Variants in MEF2A observed in about 807,000 individuals in gnomAD.
MEF2A encodes myocyte-specific enhancer factor 2A.
Under a neutral mutation model 55.8 loss-of-function variants are expected in MEF2A, and 28 were observed. That is an observed-to-expected ratio of 0.50 (90% confidence interval 0.37 to 0.69). The LOEUF (loss-of-function observed/expected upper bound fraction) is 0.69. MEF2A is among the 30% of genes least tolerant of loss of function. The pLI is 0.00. For missense variants in MEF2A, 528 were observed against 626.2 expected, an observed-to-expected ratio of 0.84 and a Z score of 1.67; for synonymous variants, 239 against 227.1, an observed-to-expected ratio of 1.05 and a Z score of -0.47.
intron 8 of MEF2A, among the ~76,000 whole-genome samples, chr15:99,699,968 GTGTGTGTGTGTGTGTGTA>G (rs1434260338): frequency 2.1e-5 from 2 of 95,362 alleles, no homozygotes; most frequent in Non-Finnish European, 4.7e-5. Context: ...GTGTGTGTGT[GTGTGTGTGTGTGTGTGTA>G]TATATATATA....
rs2058902770 is a variant in MEF2A, at chr15:99,713,882, A to T, written c.*1111A>T. On this transcript the variant is annotated 3_prime_UTR_variant, in exon 12 of 12. Transcript: ENST00000557942. Reference sequence around the variant, plus strand: ...CATCTTAAATATATTATCACCTTTGATGTAAGTACCTATGTATTGTATGGT... The same window carrying T: ...CATCTTAAATATATTATCACCTTTGTTGTAAGTACCTATGTATTGTATGGT... The T allele has an allele frequency of 6.6e-6, 1 of 152,210 alleles. No homozygotes were observed. Among genetic ancestry groups the T allele is most frequent in the South Asian group, 2.1e-4 (1 of 4,828 alleles). 9.4% of individuals were successfully genotyped at this position (152,210 alleles called of 1,614,324 possible).
At chr15:99,600,535 G>C (rs2153064152) in intron 2 of MEF2A, among the ~76,000 whole-genome samples, 1 of 152,162 alleles carries the variant, frequency 6.6e-6, no homozygotes, top group East Asian at 1.9e-4. Context: ...GAACTTCTTT[G>C]GACTACTACA....
chr15:99,676,589 T>C (rs372183702), intron 7 of MEF2A, among the ~76,000 whole-genome samples: 1 of 138,552 alleles, frequency 7.2e-6, no homozygotes, highest in Non-Finnish European at 1.6e-5. Flanking sequence ...TTTTTTTTTT[T>C]GAGACGGAGT....
intron 1 of MEF2A, among the ~76,000 whole-genome samples, chr15:99,572,976 A>C (rs1433311347): frequency 6.6e-6 from 1 of 152,184 alleles, no homozygotes; most frequent in African/African-American, 2.4e-5. Flanking sequence ...ATTCTCAGTA[A>C]ATGTTGAATT....
intron 2 of MEF2A, chr15:99,620,921 C>G (rs888990335): frequency 2.0e-5 from 3 of 150,292 alleles, no homozygotes; most frequent in African/African-American, 7.4e-5. Flanking sequence ...TCTCGGTTCA[C>G]TGCAACCTCC....
At chr15:99,646,049 ATAT>A (rs1240461488) in intron 4 of MEF2A, among the ~76,000 whole-genome samples, 2 of 152,144 alleles carry the variant, frequency 1.3e-5, no homozygotes, top group Non-Finnish European at 2.9e-5. Flanking sequence ...TTTAAAATTA[ATAT>A]TGTAAGAGAC....
chr15:99,623,794 T>C (rs575186410), intron 2 of MEF2A, among the ~76,000 whole-genome samples: 4 of 152,184 alleles, frequency 2.6e-5, no homozygotes, highest in Non-Finnish European at 5.9e-5. Context: ...GTATCAAATA[T>C]ATGATCTGCC....
chr15:99,586,379 A>T (rs910027797), intron 1 of MEF2A, among the ~76,000 whole-genome samples: 1 of 152,124 alleles, frequency 6.6e-6, no homozygotes, highest in Admixed American at 6.5e-5. Flanking sequence ...ATTTTAGTGG[A>T]TATTTACTTG....
intron 8 of MEF2A, among the ~76,000 whole-genome samples, chr15:99,699,086 G>C (rs528869208): frequency 1.3e-5 from 2 of 151,784 alleles, no homozygotes; most frequent in East Asian, 3.9e-4. Context: ...AAAACTTGCT[G>C]TACAATCCGG....
intron 2 of MEF2A, among the ~76,000 whole-genome samples, 164 bp from the exon 3 acceptor site, chr15:99,632,814 G>T (rs1034580113): frequency 6.6e-6 from 1 of 152,202 alleles, no homozygotes; most frequent in South Asian, 2.1e-4. Flanking sequence ...GGTATTTTAG[G>T]GGTAAAGTTA....
At chr15:99,711,029 A>G (rs1462880397) in intron 11 of MEF2A, among the ~76,000 whole-genome samples, 1 of 152,166 alleles carries the variant, frequency 6.6e-6, no homozygotes, top group Non-Finnish European at 1.5e-5. Flanking sequence ...CTCAACCAGG[A>G]TCTGAAGGGG....
intron 4 of MEF2A, among the ~76,000 whole-genome samples, chr15:99,655,488 G>A (rs1001026683): frequency 1.3e-5 from 2 of 152,116 alleles, no homozygotes; most frequent in Non-Finnish European, 2.9e-5. Context: ...TAGGCATTGG[G>A]CAGCCTTTAG....
rs571138739 is a variant in MEF2A at position 99,712,724 on chromosome 15, G to T, written c.1471G>T (p.Glu491Ter). 1 of 1,564,882 alleles carries T rather than the reference G, an allele frequency of 6.4e-7. No individual in the cohort carries two copies. Among genetic ancestry groups the T allele is most frequent in the Non-Finnish European group, 8.7e-7 (1 of 1,154,526 alleles). The change falls in exon 12 of 12, where the codon GAA (glutamate) becomes TAA (stop). Residue 491 changes from glutamate to a stop codon, truncating the protein, a stop_gained. Transcript: ENST00000557942. LOFTEE classifies it high-confidence loss of function. This position sits in a 1 kb window ranked among gnomAD's most constrained non-coding sequence, Gnocchi z 4.1. ...LGRPPNTEDR[E>*]SPSVKRMRMD... is the part of the protein sequence containing the mutation. ...CCGACCCCCAAACACTGAGGACAGA[G>T]AAAGCCCTTCTGTAAAGCGAATGAG... is the stretch of plus-strand genomic sequence containing the variant.
chr15:99,649,666 T>C (rs1596793642), intron 4 of MEF2A, among the ~76,000 whole-genome samples: 1 of 152,176 alleles, frequency 6.6e-6, no homozygotes, highest in Non-Finnish European at 1.5e-5. Context: ...ACAGGAATAC[T>C]AGGTATGTCC....
At chr15:99,609,183 A>G (rs1274198081) in intron 2 of MEF2A, among the ~76,000 whole-genome samples, 2 of 152,238 alleles carry the variant, frequency 1.3e-5, no homozygotes, top group Non-Finnish European at 2.9e-5. Context: ...GACATTGTTC[A>G]TAATGGCTTT....
At chr15:99,592,953 CT>C (rs1969852807) in intron 1 of MEF2A, among the ~76,000 whole-genome samples, 1 of 152,178 alleles carries the variant, frequency 6.6e-6, no homozygotes. Flanking sequence ...GAAAATCTCA[CT>C]TTTTAAATAT....
intron 2 of MEF2A, among the ~76,000 whole-genome samples, chr15:99,611,293 A>T (rs377320626): frequency 5.3e-5 from 8 of 152,330 alleles, no homozygotes; most frequent in African/African-American, 1.9e-4. Flanking sequence ...TTTACAGATC[A>T]TATATTTGTA....
At chr15:99,580,448 A>G (rs1048210426) in intron 1 of MEF2A, among the ~76,000 whole-genome samples, 2 of 152,176 alleles carry the variant, frequency 1.3e-5, no homozygotes, top group Admixed American at 1.3e-4. Flanking sequence ...TGCCCGTGCT[A>G]ATAAAGCTTT....
chr15:99,629,608 G>A (rs963365887), intron 2 of MEF2A, among the ~76,000 whole-genome samples: 23 of 152,096 alleles, frequency 1.5e-4, no homozygotes, highest in African/African-American at 5.1e-4. Context: ...TACTGATAAC[G>A]CCTGGTACTG....
Sources: gnomAD v4.1 joint callset for allele counts (sites outside exome capture counted in the v4.1 genomes callset) on GRCh38, gnomAD v4.1.1 for gene constraint, Gnocchi (gnomAD v3.1) non-coding constraint, MANE v1.5 for transcripts, NCBI Gene and HGNC (gene_info 2026-07-23, HGNC 2026-07-21) for gene names.